Variants in PPP2R2B observed in about 807,000 individuals in gnomAD.
The protein encoded by PPP2R2B is protein phosphatase 2 regulatory subunit Bbeta.
A neutral mutation model predicts 46.0 loss-of-function variants in PPP2R2B; 5 were observed. The observed-to-expected ratio is 0.11, with a 90% CI of 0.06 to 0.23. PPP2R2B has a LOEUF of 0.23. PPP2R2B is among the 10% of genes least tolerant of loss of function. PPP2R2B has a pLI of 1.00. For synonymous variants in PPP2R2B, 215 were observed against 206.7 expected, an observed-to-expected ratio of 1.04 and a Z score of -0.34; for missense variants, 367 against 575.0, an observed-to-expected ratio of 0.64 and a Z score of 3.70.
chr5:146,863,877 C>T (rs1341321415), intron 2 of PPP2R2B, among the ~76,000 whole-genome samples: 1 of 152,134 alleles, frequency 6.6e-6, no homozygotes, highest in Non-Finnish European at 1.5e-5. Flanking sequence ...AACTGTAACC[C>T]CCAAAGACTG....
At chr5:146,748,564 T>A (rs1336863787) in intron 2 of PPP2R2B, among the ~76,000 whole-genome samples, 1 of 152,216 alleles carries the variant, frequency 6.6e-6, no homozygotes, top group Non-Finnish European at 1.5e-5. Flanking sequence ...CTTGAAATGA[T>A]GAAATCATAA....
At chr5:146,793,421 C>T (rs1236203987) in intron 2 of PPP2R2B, among the ~76,000 whole-genome samples, 1 of 152,146 alleles carries the variant, frequency 6.6e-6, no homozygotes, top group African/African-American at 2.4e-5. Context: ...TTTCAAGTCA[C>T]AAGAGTAGAT....
At chr5:146,688,415 A>C (rs1345081651) in intron 5 of PPP2R2B, among the ~76,000 whole-genome samples, 1 of 151,910 alleles carries the variant, frequency 6.6e-6, no homozygotes, top group African/African-American at 2.4e-5. Context: ...CAAGTGTTGA[A>C]AATGCAGATT....
rs921947422 is a variant in PPP2R2B, at chr5:146,798,474, C to A, written c.70+79528G>T. 5.9e-5 allele frequency among the ~76,000 whole-genome samples: 9 copies of A among 152,136 alleles called. No individual in the cohort carries two copies. In the South Asian group the frequency reaches 1.9e-3, roughly 32 times the overall value. On this transcript the variant is annotated intron_variant, in intron 2 of 9. Coordinates refer to ENST00000394411, the MANE Select transcript of PPP2R2B (RefSeq NM_181675.4). ...GGCATATGCAGAAGATAAATCTTCA[C>A]ACACCATACAGCACTCACCAGCATA...
chr5:146,803,312 C>T (rs1156709948), intron 2 of PPP2R2B, among the ~76,000 whole-genome samples: 1 of 152,244 alleles, frequency 6.6e-6, no homozygotes, highest in East Asian at 1.9e-4. Context: ...GCAAATGCCT[C>T]ATGTCAGGGA....
chr5:146,689,857 C>T lies in PPP2R2B; in HGVS notation c.447+1271G>A, dbSNP rs112542388. On this transcript the variant is annotated intron_variant, in intron 5 of 9. Transcript: ENST00000394411. The stretch of plus-strand genomic sequence containing the variant: ...ATAGGCTGATCAGAGGAAACAGAGT[C>T]GCCAATGCTTGTGAGCTCAGAAGCA... 1.3e-3 allele frequency among the ~76,000 whole-genome samples: 203 copies of T among 152,284 alleles called. 1 individual carries two copies. Among genetic ancestry groups the T allele is most frequent in the African/African-American group, 4.5e-3 (189 of 41,570 alleles).
chr5:146,910,416 A>T (rs763732503), intron 1 of PPP2R2B, among the ~76,000 whole-genome samples: 1 of 152,196 alleles, frequency 6.6e-6, no homozygotes, highest in Non-Finnish European at 1.5e-5. Context: ...GGAAGTGCTC[A>T]CTCTTGGTGT....
At chr5:146,924,207 T>TA (rs1453537645) in intron 1 of PPP2R2B, among the ~76,000 whole-genome samples, 1 of 152,208 alleles carries the variant, frequency 6.6e-6, no homozygotes, top group Non-Finnish European at 1.5e-5. Flanking sequence ...CCTGCACTTG[T>TA]ACCTGTGAAC....
At chr5:147,055,716 A>G (rs1369079545) in exon 1 of PPP2R2B, 1 of 1,613,412 alleles carries the variant, frequency 6.2e-7, no homozygotes, top group Admixed American at 1.7e-5. Context: ...CTGAAGATGT[A>G]AGGCAGGTAA....
intron 2 of PPP2R2B, among the ~76,000 whole-genome samples, chr5:146,733,802 C>T (rs1752373339): frequency 1.3e-5 from 2 of 152,154 alleles, no homozygotes; most frequent in Admixed American, 6.5e-5. Flanking sequence ...GGACCCTACT[C>T]AAGGTCTTTG....
intron 2 of PPP2R2B, among the ~76,000 whole-genome samples, chr5:146,805,906 T>C (rs972234632): frequency 3.9e-5 from 6 of 152,178 alleles, no homozygotes; most frequent in African/African-American, 1.4e-4. Flanking sequence ...TTCCTAGTTC[T>C]TATTTATTTC....
intron 3 of PPP2R2B, among the ~76,000 whole-genome samples, chr5:146,699,102 G>A (rs1779388211): frequency 6.6e-6 from 1 of 152,144 alleles, no homozygotes; most frequent in Non-Finnish European, 1.5e-5. Flanking sequence ...ATTCAAATAT[G>A]AGTCTTATTA....
chr5:147,070,120 T>C (rs1757542801), intron 2 of PPP2R2B, among the ~76,000 whole-genome samples: 1 of 152,050 alleles, frequency 6.6e-6, no homozygotes, highest in Non-Finnish European at 1.5e-5. Flanking sequence ...TATGTCATCA[T>C]CAGAAAATGT....
intron 1 of PPP2R2B, among the ~76,000 whole-genome samples, chr5:147,028,133 C>A (rs1290525333): frequency 6.6e-6 from 1 of 152,154 alleles, no homozygotes; most frequent in African/African-American, 2.4e-5. Context: ...CACACACGTA[C>A]TATTTTCTGC....
intron 2 of PPP2R2B, among the ~76,000 whole-genome samples, chr5:147,067,350 ACT>A (rs1757444260): frequency 6.6e-6 from 1 of 151,362 alleles, no homozygotes; most frequent in Non-Finnish European, 1.5e-5. Context: ...TTATCAGTCT[ACT>A]CTCTGGTTCT....
At chr5:146,968,131 G>A (rs1303990361) in intron 1 of PPP2R2B, among the ~76,000 whole-genome samples, 1 of 152,130 alleles carries the variant, frequency 6.6e-6, no homozygotes, top group South Asian at 2.1e-4. Context: ...CTGGATCACT[G>A]ACCTGGGCAA....
intron 2 of PPP2R2B, among the ~76,000 whole-genome samples, chr5:146,786,723 C>T (rs1755863009): frequency 6.6e-6 from 1 of 152,152 alleles, no homozygotes; most frequent in Non-Finnish European, 1.5e-5. Flanking sequence ...TCCCCACCTC[C>T]CAAACTGGTA....
rs1342535231 is a variant in PPP2R2B at position 146,725,822 on chromosome 5, C to T, written c.71-24680G>A. Among the ~76,000 whole-genome samples the T allele has an allele frequency of 4.2e-4, 64 of 152,178 alleles. 1 individual carries two copies. Among genetic ancestry groups the T allele is most frequent in the Non-Finnish European group, 4.4e-5 (3 of 68,032 alleles). ...ACATGTACTTACTATCCACTATGTC[C>T]ATCTTCCTCACTAGACTCTAAAAGG... On this transcript the variant is annotated intron_variant, in intron 2 of 9. Coordinates refer to ENST00000394411, the MANE Select transcript of PPP2R2B (RefSeq NM_181675.4).
At chr5:147,023,003 G>C (rs906261257) in intron 1 of PPP2R2B, among the ~76,000 whole-genome samples, 2 of 152,030 alleles carry the variant, frequency 1.3e-5, no homozygotes, top group Non-Finnish European at 2.9e-5. Context: ...ACAAAAATTA[G>C]AAATGATAAA....
Sources: gnomAD v4.1 joint callset for allele counts (sites outside exome capture counted in the v4.1 genomes callset) on GRCh38, gnomAD v4.1.1 for gene constraint, MANE v1.5 for transcripts, NCBI Gene and HGNC (gene_info 2026-07-23, HGNC 2026-07-21) for gene names.